The following AFF3 variants were observed in gnomAD, a reference collection of about 807,000 sequenced individuals.
AFF3 encodes the protein AF4/FMR2 family member 3.
AFF3 carries 32 observed loss-of-function variants against 129.7 expected under a neutral mutation model. That is an observed-to-expected ratio of 0.25 (90% CI 0.19 to 0.33). AFF3 has a LOEUF of 0.33. AFF3 is among the 10% of genes least tolerant of loss of function. AFF3 has a pLI of 1.00. For missense variants in AFF3, 1,373 were observed against 1,592.0 expected, an observed-to-expected ratio of 0.86 and a Z score of 2.34; for synonymous variants, 644 against 635.4, an observed-to-expected ratio of 1.01 and a Z score of -0.20.
chr2:99,993,966 C>T (rs886662858), intron 7 of AFF3, among the ~76,000 whole-genome samples: 3 of 151,228 alleles, frequency 2.0e-5, no homozygotes, highest in Non-Finnish European at 4.4e-5. Flanking sequence ...CCACCATGCC[C>T]GGCTAATTTT....
chr2:99,979,349 A>G (rs958772203), intron 7 of AFF3, among the ~76,000 whole-genome samples: 18 of 152,170 alleles, frequency 1.2e-4, no homozygotes, highest in African/African-American at 4.1e-4. Context: ...GCTGATCCAA[A>G]GCTCAGAACA....
intron 7 of AFF3, among the ~76,000 whole-genome samples, chr2:99,942,286 G>A (rs930515739): frequency 6.6e-6 from 1 of 152,154 alleles, no homozygotes; most frequent in Non-Finnish European, 1.5e-5. Context: ...ACAGATGTCT[G>A]TTACACACCT....
At chr2:99,777,079 G>A (rs1683961591) in intron 8 of AFF3, among the ~76,000 whole-genome samples, 1 of 152,192 alleles carries the variant, frequency 6.6e-6, no homozygotes, top group South Asian at 2.1e-4. Context: ...AATTCCAAAT[G>A]AGGGACAGGC....
At chr2:99,765,135 T>C (rs1314177221) in intron 8 of AFF3, among the ~76,000 whole-genome samples, 1 of 152,206 alleles carries the variant, frequency 6.6e-6, no homozygotes, top group South Asian at 2.1e-4. Context: ...CACATAATAC[T>C]TTTTAGTGGT....
At chr2:99,720,318 A>C (rs922107119) in intron 11 of AFF3, among the ~76,000 whole-genome samples, 33 of 152,166 alleles carry the variant, frequency 2.2e-4, no homozygotes, top group Admixed American at 6.5e-4. Context: ...AAGGTGAGTG[A>C]GTTCTCACTC....
intron 13 of AFF3, among the ~76,000 whole-genome samples, chr2:99,618,944 G>C (rs539298067): frequency 6.9e-6 from 1 of 145,350 alleles, no homozygotes; most frequent in African/African-American, 2.6e-5. Context: ...ACAGGGGCTT[G>C]CTATGTTGGC....
intron 11 of AFF3, among the ~76,000 whole-genome samples, chr2:99,718,923 T>C (rs1280824247): frequency 1.3e-5 from 2 of 152,012 alleles, no homozygotes; most frequent in Non-Finnish European, 2.9e-5. Flanking sequence ...GCTAATTTTT[T>C]GTATTTTTAG....
intron 12 of AFF3, among the ~76,000 whole-genome samples, chr2:99,655,360 G>A (rs780031607): frequency 1.3e-5 from 2 of 151,974 alleles, no homozygotes; most frequent in Non-Finnish European, 2.9e-5. Flanking sequence ...TGTCAAGGAA[G>A]GCTTACTAAG....
At chr2:99,774,805 C>A (rs1256223542) in intron 8 of AFF3, among the ~76,000 whole-genome samples, 2 of 152,136 alleles carry the variant, frequency 1.3e-5, no homozygotes, top group African/African-American at 4.8e-5. Context: ...AGTAAACAGA[C>A]AACCTACAGA....
At chr2:99,777,493 T>C (rs1433257695) in intron 8 of AFF3, among the ~76,000 whole-genome samples, 1 of 151,994 alleles carries the variant, frequency 6.6e-6, no homozygotes, top group East Asian at 1.9e-4. Flanking sequence ...AGATGCTGAG[T>C]CATGGGGAGT....
chr2:99,901,790 GT>G (rs1694359378), intron 7 of AFF3, among the ~76,000 whole-genome samples: 1 of 152,126 alleles, frequency 6.6e-6, no homozygotes, highest in African/African-American at 2.4e-5. Flanking sequence ...TCACAGGGAT[GT>G]TTCTAAAACA....
chr2:99,568,460 A>G (rs1276575353), intron 19 of AFF3, among the ~76,000 whole-genome samples: 1 of 152,232 alleles, frequency 6.6e-6, no homozygotes, highest in Non-Finnish European at 1.5e-5. Context: ...ATACATGTGA[A>G]GAACACAAGT....
At chr2:99,619,641 T>C (rs1434321505) in intron 13 of AFF3, among the ~76,000 whole-genome samples, 1 of 152,192 alleles carries the variant, frequency 6.6e-6, no homozygotes, top group East Asian at 1.9e-4. Flanking sequence ...GATTGGGTAA[T>C]TCTGAGGCTC....
At chr2:99,684,543 A>G (rs1674855841) in intron 11 of AFF3, among the ~76,000 whole-genome samples, 2 of 152,218 alleles carry the variant, frequency 1.3e-5, no homozygotes, top group South Asian at 4.1e-4. Context: ...TTAAAGAAAA[A>G]GCATCCTATG....
chr2:99,883,410 C>T (rs1692875500), intron 7 of AFF3, among the ~76,000 whole-genome samples: 1 of 152,182 alleles, frequency 6.6e-6, no homozygotes. Context: ...ATATGACTGA[C>T]AGCACCATTA....
chr2:99,671,448 T>C (rs1200485523), intron 12 of AFF3, among the ~76,000 whole-genome samples: 1 of 152,196 alleles, frequency 6.6e-6, no homozygotes, highest in African/African-American at 2.4e-5. Context: ...TTTTCGTGCC[T>C]CAGTTTCTCC....
intron 8 of AFF3, among the ~76,000 whole-genome samples, chr2:99,825,084 C>A (rs771418817): frequency 1.3e-5 from 2 of 152,096 alleles, no homozygotes; most frequent in Admixed American, 6.5e-5. Flanking sequence ...TCCACTGAAT[C>A]CAATGAGCAT....
At chr2:99,755,054 C>A (rs1225254727) in intron 8 of AFF3, among the ~76,000 whole-genome samples, 1 of 152,120 alleles carries the variant, frequency 6.6e-6, no homozygotes, top group African/African-American at 2.4e-5. Context: ...AACCACCCAA[C>A]CTCAAAAGCA....
At chr2:99,705,973 C>T (rs893994274) in intron 11 of AFF3, among the ~76,000 whole-genome samples, 2 of 147,254 alleles carry the variant, frequency 1.4e-5, no homozygotes, top group African/African-American at 2.5e-5. Context: ...GACCAAACAT[C>T]AAAATCGATT....
Sources: allele counts gnomAD v4.1 joint callset (sites outside exome capture counted in the v4.1 genomes callset), GRCh38; gene constraint gnomAD v4.1.1; transcripts MANE v1.5; gene names NCBI Gene and HGNC (gene_info 2026-07-23, HGNC 2026-07-21).